The following SBF2 variants were observed in gnomAD, a reference collection of about 807,000 sequenced individuals.
SBF2 encodes the protein SET binding factor 2.
Under a neutral mutation model 225.2 loss-of-function variants are expected in SBF2, and 112 were observed. The ratio of observed to expected loss-of-function variants is 0.50; its 90% CI spans 0.43 to 0.58. SBF2 has a LOEUF of 0.58. Ranked by LOEUF, SBF2 falls within the 20% of genes least tolerant of loss-of-function variation. The pLI is 0.00. For synonymous variants in SBF2, 763 were observed against 773.3 expected (o/e 0.99, Z 0.22); for missense variants, 1,996 against 2,206.2 (o/e 0.90, Z 1.91).
intron 2 of SBF2, among the ~76,000 whole-genome samples, chr11:10,079,062 A>T (rs1322094346): frequency 6.6e-6 from 1 of 152,160 alleles, no homozygotes; most frequent in East Asian, 1.9e-4. Flanking sequence ...AAAAAAAGTT[A>T]CCTTTCAGTA....
intron 17 of SBF2, among the ~76,000 whole-genome samples, chr11:9,887,074 G>C (rs1038658688): frequency 1.3e-5 from 2 of 151,672 alleles, no homozygotes; most frequent in African/African-American, 4.8e-5. Context: ...AGTCTTAGTA[G>C]GCTGCCTCAT....
intron 9 of SBF2, among the ~76,000 whole-genome samples, chr11:9,996,736 A>G (rs1947721880): frequency 6.6e-6 from 1 of 152,200 alleles, no homozygotes; most frequent in Non-Finnish European, 1.5e-5. Flanking sequence ...TAGTTGAGCA[A>G]TGACAGGTTC....
chr11:10,272,675 G>C (rs1962593758), intron 1 of SBF2, among the ~76,000 whole-genome samples: 1 of 152,166 alleles, frequency 6.6e-6, no homozygotes, highest in South Asian at 2.1e-4. Flanking sequence ...GGAAGGCTGA[G>C]ATTGGCTTGA....
At chr11:10,162,494 A>G (rs1253358765) in intron 2 of SBF2, among the ~76,000 whole-genome samples, 3 of 152,216 alleles carry the variant, frequency 2.0e-5, no homozygotes, top group Non-Finnish European at 4.4e-5. Flanking sequence ...AGCAGCAACT[A>G]AAATAGCATT....
chr11:9,896,188 C>G (rs1362739352), intron 16 of SBF2, among the ~76,000 whole-genome samples, 177 bp from the exon 17 acceptor site: 1 of 152,138 alleles, frequency 6.6e-6, no homozygotes, highest in Non-Finnish European at 1.5e-5. Flanking sequence ...TAAGACATAG[C>G]TAGGTAAGTT....
intron 2 of SBF2, among the ~76,000 whole-genome samples, chr11:10,135,573 C>T (rs1384241603): frequency 6.6e-6 from 1 of 152,172 alleles, no homozygotes; most frequent in Non-Finnish European, 1.5e-5. Flanking sequence ...AATTTCTTCT[C>T]CCACACCCTA....
chr11:9,911,133 C>T (rs1399049002), intron 16 of SBF2, among the ~76,000 whole-genome samples: 1 of 151,660 alleles, frequency 6.6e-6, no homozygotes, highest in East Asian at 1.9e-4. Flanking sequence ...TTTGGGAGGC[C>T]GAGTCAGGTG....
intron 17 of SBF2, among the ~76,000 whole-genome samples, chr11:9,891,437 T>C (rs1410852878): frequency 6.6e-6 from 1 of 152,210 alleles, no homozygotes; most frequent in South Asian, 2.1e-4. Flanking sequence ...TTTGAAACGA[T>C]TCCTCTACTG....
intron 2 of SBF2, among the ~76,000 whole-genome samples, chr11:10,123,244 A>G (rs1034463032): frequency 2.0e-5 from 3 of 152,180 alleles, no homozygotes; most frequent in Admixed American, 6.5e-5. Context: ...TTCGACAAAC[A>G]GAAACAGGAA....
intron 3 of SBF2, among the ~76,000 whole-genome samples, chr11:10,036,413 A>T (rs927001560): frequency 6.6e-6 from 1 of 152,070 alleles, no homozygotes; most frequent in African/African-American, 2.4e-5. Flanking sequence ...AAGTATACTT[A>T]AAAAAAATAA....
At position 10,291,805 on chromosome 11, in the gene SBF2, G is replaced by A. The variant is rs796111971; in HGVS notation, c.55+2210C>T. 5.3e-5 allele frequency among the ~76,000 whole-genome samples: 8 copies of A among 152,288 alleles called. 1 individual carries two copies. The highest frequency in any genetic ancestry group is 1.9e-4 in the African/African-American group (8 of 41,546). On this transcript the variant is annotated intron_variant, in intron 1 of 39. Coordinates refer to ENST00000256190, the MANE Select transcript of SBF2 (RefSeq NM_030962.4). ...ACAATTAAGTATTAACTTTACAGTG[G>A]AGAAGCCTCGCAGATATTACTTATA...
chr11:9,817,760 AAAAAAAAC>A (rs1238153871), intron 28 of SBF2, among the ~76,000 whole-genome samples: 1 of 145,684 alleles, frequency 6.9e-6, no homozygotes, highest in African/African-American at 2.6e-5. Context: ...AAAAAAAAAA[AAAAAAAAC>A]TACAAAAAGA....
intron 2 of SBF2, among the ~76,000 whole-genome samples, chr11:10,112,176 A>G (rs753013545): frequency 5.9e-5 from 9 of 152,234 alleles, no homozygotes; most frequent in Non-Finnish European, 1.3e-4. Context: ...AACTCTTGAA[A>G]GCAAAAGAAC....
chr11:9,966,217 T>C (rs1055661284), intron 14 of SBF2, among the ~76,000 whole-genome samples: 6 of 152,140 alleles, frequency 3.9e-5, no homozygotes. Context: ...GCCTCCCAAG[T>C]AGCTGGGACT....
chr11:10,006,664 G>T (rs951203219), intron 6 of SBF2, among the ~76,000 whole-genome samples: 9 of 152,142 alleles, frequency 5.9e-5, no homozygotes, highest in Non-Finnish European at 1.3e-4. Context: ...AAATCCAAGG[G>T]ATGCTGTTTT....
chr11:9,976,992 T>G (rs1946723978), intron 13 of SBF2, among the ~76,000 whole-genome samples: 1 of 152,000 alleles, frequency 6.6e-6, no homozygotes, highest in Non-Finnish European at 1.5e-5. Context: ...TTTCCTGACC[T>G]CGTGATCCAC....
At position 9,948,072 on chromosome 11, in the gene SBF2, G is replaced by C. The variant is rs113311608; in HGVS notation, c.1860+13885C>G. Among the ~76,000 whole-genome samples, 694 of 151,658 alleles carry C rather than the reference G, an allele frequency of 4.6e-3. 2 individuals are homozygous for C. Among genetic ancestry groups the C allele is most frequent in the African/African-American group, 0.016 (657 of 41,364 alleles). Reference sequence around the variant, plus strand: ...ACAGATGAACGGGTAAACAAAACATGGTATATACATACAATGGAATATTAT... The same window carrying C: ...ACAGATGAACGGGTAAACAAAACATCGTATATACATACAATGGAATATTAT... On this transcript the variant is annotated intron_variant, in intron 16 of 39. Transcript: ENST00000256190.
intron 2 of SBF2, among the ~76,000 whole-genome samples, chr11:10,166,566 T>C (rs960641245): frequency 2.6e-5 from 4 of 152,148 alleles, no homozygotes; most frequent in African/African-American, 9.7e-5. Flanking sequence ...TAAAAATGAC[T>C]AGGTCTATGA....
At chr11:10,080,762 T>TA (rs1951334127) in intron 2 of SBF2, among the ~76,000 whole-genome samples, 2 of 151,588 alleles carry the variant, frequency 1.3e-5, no homozygotes, top group South Asian at 4.2e-4. Context: ...GGTAAAGGGG[T>TA]AAAAAAACAT....
Sources: gnomAD v4.1 joint callset for allele counts (sites outside exome capture counted in the v4.1 genomes callset) on GRCh38, gnomAD v4.1.1 for gene constraint, MANE v1.5 for transcripts, NCBI Gene and HGNC (gene_info 2026-07-23, HGNC 2026-07-21) for gene names.